The following DLG2 variants were observed in gnomAD, a reference collection of about 807,000 sequenced individuals.
DLG2 encodes disks large homolog 2.
A neutral mutation model predicts 132.5 loss-of-function variants in DLG2; 45 were observed. The ratio of observed to expected loss-of-function variants is 0.34; its 90% confidence interval spans 0.27 to 0.44. The LOEUF is 0.44. DLG2 is among the 20% of genes least tolerant of loss of function. DLG2 has a pLI of 1.00. For missense variants in DLG2, 1,045 were observed against 1,196.9 expected (o/e 0.87, Z 1.87); for synonymous variants, 424 against 419.6 (o/e 1.01, Z -0.13).
intron 4 of DLG2, among the ~76,000 whole-genome samples, chr11:85,159,945 AACAC>A (rs1177381174): frequency 1.3e-5 from 2 of 152,222 alleles, no homozygotes; most frequent in African/African-American, 4.8e-5. Flanking sequence ...AGAAGTAGCA[AACAC>A]ACTGGACTTA....
intron 16 of DLG2, among the ~76,000 whole-genome samples, chr11:83,845,093 A>G (rs2058357901): frequency 6.6e-6 from 1 of 152,034 alleles, no homozygotes; most frequent in South Asian, 2.1e-4. Flanking sequence ...GAAGGCCCAG[A>G]TCTAGTATAA....
intron 15 of DLG2, among the ~76,000 whole-genome samples, chr11:83,911,982 T>C (rs541862099): frequency 6.6e-6 from 1 of 150,688 alleles, no homozygotes; most frequent in East Asian, 1.9e-4. Context: ...TTTAGAGCAA[T>C]GGAAAAAAAA....
intron 18 of DLG2, among the ~76,000 whole-genome samples, chr11:83,776,056 C>T (rs1177100047): frequency 6.6e-6 from 1 of 152,018 alleles, no homozygotes; most frequent in Non-Finnish European, 1.5e-5. Context: ...TGTGCCACTG[C>T]ACTCCAGCCT....
intron 6 of DLG2, among the ~76,000 whole-genome samples, chr11:84,744,156 A>G (rs978347056): frequency 6.6e-6 from 1 of 152,192 alleles, no homozygotes; most frequent in African/African-American, 2.4e-5. Flanking sequence ...TATATAGAAG[A>G]GCCCTGAACA....
At chr11:84,392,107 C>T (rs2098794584) in intron 7 of DLG2, among the ~76,000 whole-genome samples, 1 of 152,128 alleles carries the variant, frequency 6.6e-6, no homozygotes, top group Non-Finnish European at 1.5e-5. Flanking sequence ...CTAGTAAGTG[C>T]TAAATATGAC....
intron 7 of DLG2, among the ~76,000 whole-genome samples, chr11:84,487,199 G>T (rs192025867): frequency 6.6e-6 from 1 of 152,154 alleles, no homozygotes; most frequent in East Asian, 1.9e-4. Context: ...TTATCTGAAA[G>T]TTATAATTTG....
intron 15 of DLG2, among the ~76,000 whole-genome samples, chr11:83,909,059 ACT>A (rs1343985115): frequency 6.6e-6 from 1 of 152,092 alleles, no homozygotes; most frequent in Non-Finnish European, 1.5e-5. Flanking sequence ...GCCTCTGCAG[ACT>A]CTGCATCCTT....
chr11:84,865,067 C>A (rs1251089396), intron 6 of DLG2, among the ~76,000 whole-genome samples: 1 of 152,096 alleles, frequency 6.6e-6, no homozygotes, highest in Non-Finnish European at 1.5e-5. Flanking sequence ...GCCAGAGGTA[C>A]CCTGCTTAGG....
At chr11:85,627,627 A>T (rs995218294), upstream of DLG2, 1 of 152,246 alleles carries the variant, frequency 6.6e-6, no homozygotes, top group Non-Finnish European at 1.5e-5. Context: ...CCTAAATGAG[A>T]AAGTGCAGCT....
chr11:85,111,795 C>T, intron 5 of DLG2, 60 bp from the exon 6 acceptor site: 1 of 1,257,360 alleles, frequency 8.0e-7, no homozygotes, highest in Non-Finnish European at 1.1e-6. Flanking sequence ...TGTATATATG[C>T]TAGCTGACAT....
intron 19 of DLG2, among the ~76,000 whole-genome samples, chr11:83,556,187 C>T (rs957757357): frequency 2.6e-5 from 4 of 152,106 alleles, no homozygotes; most frequent in Non-Finnish European, 5.9e-5. Flanking sequence ...AGAGAAATCT[C>T]GTTCGAAGTT....
At chr11:85,622,091 C>T (rs189473815) in intron 2 of DLG2, among the ~76,000 whole-genome samples, 40 of 152,280 alleles carry the variant, frequency 2.6e-4, no homozygotes, top group Non-Finnish European at 5.3e-4. Context: ...GATCTTCCAC[C>T]AGCAAAAAGA....
chr11:83,855,979 C>A (rs2060480588), intron 16 of DLG2, among the ~76,000 whole-genome samples: 1 of 152,150 alleles, frequency 6.6e-6, no homozygotes, highest in Admixed American at 6.6e-5. Context: ...TGATCCTCTC[C>A]CTCCTCCCAC....
At chr11:83,520,660 TAGATAGAA>T (rs1442323114) in intron 21 of DLG2, among the ~76,000 whole-genome samples, 2 of 147,826 alleles carry the variant, frequency 1.4e-5, no homozygotes, top group African/African-American at 5.0e-5. Context: ...GATAGATAGA[TAGATAGAA>T]AGAAAGACAG....
intron 18 of DLG2, among the ~76,000 whole-genome samples, chr11:83,740,401 A>C (rs2092409123): frequency 6.6e-6 from 1 of 152,218 alleles, no homozygotes; most frequent in Non-Finnish European, 1.5e-5. Flanking sequence ...GAAACCAGAC[A>C]CAAAAGATTA....
At chr11:84,204,861 T>C (rs906234755) in intron 8 of DLG2, among the ~76,000 whole-genome samples, 4 of 152,056 alleles carry the variant, frequency 2.6e-5, no homozygotes, top group African/African-American at 9.7e-5. Flanking sequence ...GCCACCACAC[T>C]TGGCTATTTT....
chr11:85,399,685 A>T (rs908510031), intron 3 of DLG2, among the ~76,000 whole-genome samples: 4 of 152,206 alleles, frequency 2.6e-5, no homozygotes, highest in African/African-American at 9.6e-5. Context: ...TGGGGAAAGG[A>T]TTCCCTATTT....
chr11:83,783,245 A>G (rs1236066892), intron 18 of DLG2, among the ~76,000 whole-genome samples: 1 of 152,198 alleles, frequency 6.6e-6, no homozygotes, highest in African/African-American at 2.4e-5. Context: ...TTGAGGATGG[A>G]TATAGCAATG....
intron 6 of DLG2, among the ~76,000 whole-genome samples, chr11:84,912,041 T>G (rs1395781535): frequency 6.6e-6 from 1 of 152,184 alleles, no homozygotes; most frequent in Non-Finnish European, 1.5e-5. Context: ...GGATCCAAAG[T>G]ATACCATAAG....
Sources: gnomAD v4.1 joint callset for allele counts (sites outside exome capture counted in the v4.1 genomes callset) on GRCh38, gnomAD v4.1.1 for gene constraint, MANE v1.5 for transcripts, NCBI Gene and HGNC (gene_info 2026-07-23, HGNC 2026-07-21) for gene names.